VGLL4: variants seen among roughly 807,000 people sequenced by gnomAD.
VGLL4 encodes the protein vestigial like family member 4.
Under a neutral mutation model 21.0 loss-of-function variants are expected in VGLL4, and 7 were observed. That is an observed-to-expected ratio of 0.33 (90% CI 0.19 to 0.63). VGLL4 has a LOEUF of 0.63. Ranked by LOEUF, VGLL4 falls within the 20% of genes least tolerant of loss-of-function variation. VGLL4 has a pLI of 0.78. For synonymous variants in VGLL4, 222 were observed against 173.2 expected (o/e 1.28, Z -2.21); for missense variants, 394 against 425.7 (o/e 0.93, Z 0.66).
At chr3:11,560,921 AG>A in intron 3 of VGLL4, among the ~76,000 whole-genome samples, 1 of 152,240 alleles carries the variant, frequency 6.6e-6, no homozygotes, top group South Asian at 2.1e-4. Flanking sequence ...AGGCTCGGAA[AG>A]GGGGTTGGGG....
chr3:11,671,787 G>A (rs538000349), intron 2 of VGLL4, among the ~76,000 whole-genome samples: 1 of 152,174 alleles, frequency 6.6e-6, no homozygotes, highest in South Asian at 2.1e-4. Flanking sequence ...TCAAAGCCCA[G>A]GATCCCAGCC....
chr3:11,687,268 A>G (rs1172376348), intron 2 of VGLL4, among the ~76,000 whole-genome samples: 2 of 152,174 alleles, frequency 1.3e-5, no homozygotes, highest in Non-Finnish European at 2.9e-5. Context: ...TAATGTACAG[A>G]TTAATTTGAA....
chr3:11,668,880 G>A (rs181949823), intron 2 of VGLL4, among the ~76,000 whole-genome samples: 3 of 150,464 alleles, frequency 2.0e-5, no homozygotes, highest in Admixed American at 2.0e-4. Flanking sequence ...TCACACTGCT[G>A]TCTTCACCCT....
intron 2 of VGLL4, among the ~76,000 whole-genome samples, chr3:11,590,216 T>C (rs1301301348): frequency 2.6e-5 from 4 of 152,078 alleles, no homozygotes; most frequent in Non-Finnish European, 2.9e-5. Flanking sequence ...GCTGAGGAAA[T>C]GACTCCTAAC....
At chr3:11,666,160 G>A (rs1279950116) in intron 2 of VGLL4, among the ~76,000 whole-genome samples, 2 of 151,818 alleles carry the variant, frequency 1.3e-5, no homozygotes, top group African/African-American at 2.4e-5. Flanking sequence ...GCTGAGGCAG[G>A]AGAGTGGCGT....
chr3:11,718,577 C>T (rs2076948965), intron 1 of VGLL4, among the ~76,000 whole-genome samples: 2 of 152,074 alleles, frequency 1.3e-5, no homozygotes, highest in African/African-American at 4.8e-5. Flanking sequence ...GTATGCAAAA[C>T]TGACCTTCAA....
chr3:11,583,103 C>T (rs2074276238), intron 2 of VGLL4, among the ~76,000 whole-genome samples: 1 of 152,188 alleles, frequency 6.6e-6, no homozygotes, highest in Admixed American at 6.5e-5. Context: ...TAAATTTCCA[C>T]CTGCCCACTA....
intron 2 of VGLL4, among the ~76,000 whole-genome samples, chr3:11,600,429 A>G (rs1173409932): frequency 6.6e-6 from 1 of 152,050 alleles, no homozygotes; most frequent in Non-Finnish European, 1.5e-5. Flanking sequence ...ATGGGAAAGT[A>G]TAAGAAATTC....
intron 2 of VGLL4, among the ~76,000 whole-genome samples, chr3:11,695,592 C>T (rs916417199): frequency 1.3e-5 from 2 of 152,116 alleles, no homozygotes; most frequent in Admixed American, 6.5e-5. Flanking sequence ...AGAACTATAG[C>T]TTCTCATAAC....
intron 1 of VGLL4, among the ~76,000 whole-genome samples, chr3:11,716,368 C>G (rs536682266): frequency 6.6e-6 from 1 of 150,752 alleles, no homozygotes; most frequent in African/African-American, 2.4e-5. Flanking sequence ...GCAAAAAGCA[C>G]ACTTGTTTAC....
intron 1 of VGLL4, among the ~76,000 whole-genome samples, chr3:11,639,841 A>C (rs1286911010): frequency 6.6e-6 from 1 of 151,930 alleles, no homozygotes; most frequent in Non-Finnish European, 1.5e-5. Context: ...GCGCCACTGC[A>C]CTCTAGTCTG....
chr3:11,706,941 C>T (rs886984548), intron 1 of VGLL4, among the ~76,000 whole-genome samples: 2 of 152,106 alleles, frequency 1.3e-5, no homozygotes, highest in Non-Finnish European at 2.9e-5. Context: ...CAGGTTGATA[C>T]TTAATGTCAC....
intron 2 of VGLL4, among the ~76,000 whole-genome samples, chr3:11,582,730 G>A (rs1307895099): frequency 2.0e-5 from 3 of 152,150 alleles, no homozygotes; most frequent in African/African-American, 4.8e-5. Context: ...GAGACGCTCC[G>A]AAGGCACGAT....
chr3:11,665,882 A>C (rs1251105305), intron 2 of VGLL4, among the ~76,000 whole-genome samples: 1 of 152,216 alleles, frequency 6.6e-6, no homozygotes, highest in African/African-American at 2.4e-5. Flanking sequence ...TAGGGGCAAG[A>C]GACAAGGAAG....
intron 1 of VGLL4, among the ~76,000 whole-genome samples, chr3:11,707,963 C>G (rs1257989985): frequency 6.6e-6 from 1 of 152,134 alleles, no homozygotes; most frequent in Non-Finnish European, 1.5e-5. Context: ...GAGGAAAAAC[C>G]ATGGCTACAG....
At chr3:11,721,521 T>C (rs533128492), upstream of VGLL4, among the ~76,000 whole-genome samples, 6 of 152,314 alleles carry the variant, frequency 3.9e-5, no homozygotes, top group East Asian at 9.6e-4. Context: ...ATTCACAGAT[T>C]AAAGCTCGGA....
At position 11,558,837 on chromosome 3, in the gene VGLL4, A is replaced by G. The variant is rs546700067; in HGVS notation, c.620-10T>C. The G allele has an allele frequency of 1.6e-5, 25 of 1,609,108 alleles. No homozygotes were observed. The African/African-American group carries it at 3.2e-4, about 21-fold the overall frequency. On this transcript the variant is annotated splice_polypyrimidine_tract_variant and intron_variant, in intron 4 of 4. Coordinates refer to ENST00000430365, the MANE Select transcript of VGLL4 (RefSeq NM_001128219.3). Reference sequence around the variant, plus strand: ...TCACAGGTGGTGGCAGCTGCAGGCAAGCAGGAAGGCAGGCAGTCAGACACA... The same window carrying G: ...TCACAGGTGGTGGCAGCTGCAGGCAGGCAGGAAGGCAGGCAGTCAGACACA...
At chr3:11,572,300 C>T (rs1311538492) in intron 2 of VGLL4, among the ~76,000 whole-genome samples, 1 of 152,264 alleles carries the variant, frequency 6.6e-6, no homozygotes, top group South Asian at 2.1e-4. Context: ...GGCTAAGTAA[C>T]TTTTCTAAGT....
upstream of VGLL4, among the ~76,000 whole-genome samples, chr3:11,644,845 C>CAAAA (rs11293808): frequency 5.6e-5 from 4 of 71,194 alleles, no homozygotes; most frequent in African/African-American, 8.2e-5. Flanking sequence ...GACTTTGTCT[C>CAAAA]AAAAAAAAAA....
Sources: gnomAD v4.1 joint callset for allele counts (sites outside exome capture counted in the v4.1 genomes callset) on GRCh38, gnomAD v4.1.1 for gene constraint, MANE v1.5 for transcripts, NCBI Gene and HGNC (gene_info 2026-07-23, HGNC 2026-07-21) for gene names.